The following MYADML2 variants were observed in gnomAD, a reference collection of about 807,000 sequenced individuals.
The protein encoded by MYADML2 is myeloid-associated differentiation marker-like protein 2.
A neutral mutation model predicts 16.0 loss-of-function variants in MYADML2; 17 were observed. The ratio of observed to expected loss-of-function variants is 1.06; its 90% CI spans 0.73 to 1.60. MYADML2 has a LOEUF of 1.60. MYADML2 is among the 40% of genes most tolerant of loss of function. The pLI is 0.00. For missense variants in MYADML2, 422 were observed against 437.7 expected, an observed-to-expected ratio of 0.96 and a Z score of 0.32; for synonymous variants, 210 against 208.1, an observed-to-expected ratio of 1.01 and a Z score of -0.08.
In MYADML2 at chr17:81,942,095, G is replaced by A. The variant is rs543875344; in HGVS notation, c.-103+201C>T. 354 of 213,734 alleles carry A rather than the reference G, an allele frequency of 1.7e-3. 3 individuals are homozygous for A. The highest frequency in any genetic ancestry group is 7.5e-3 in the African/African-American group (328 of 43,768). The allele number at this position is 213,734 out of a possible 1,614,324, so 13.2% of individuals were successfully genotyped here. On this transcript the variant is annotated intron_variant, in intron 2 of 2. Coordinates refer to ENST00000409745, the MANE Select transcript of MYADML2 (RefSeq NM_001145113.3). This position sits in a 1 kb window ranked among gnomAD's most constrained non-coding sequence, Gnocchi z 4.4. ...CCCGCGCACCTGCATCTGTCAATCC[G>A]GTCAGTTGGTTTCACGCTTGTGGGG...
rs1160854396 is a variant in MYADML2, at chr17:81,941,246, G to GC, written c.495dup (p.Leu166AlafsTer20). 1 of 1,550,150 alleles carries GC rather than the reference G, an allele frequency of 6.5e-7. No homozygotes were observed. The highest frequency in any genetic ancestry group is 2.4e-5 in the East Asian group (1 of 40,900). On this transcript the variant is annotated frameshift_variant, in exon 3 of 3. Coordinates refer to ENST00000409745, the MANE Select transcript of MYADML2 (RefSeq NM_001145113.3). LOFTEE classifies it high-confidence loss of function. Reference sequence around the variant, plus strand: ...ACGAAGGCCTGGACGATCTTGAGGAGCCCCGACACCGTGGCCATATAGCTG... The same window carrying GC: ...ACGAAGGCCTGGACGATCTTGAGGAGCCCCCGACACCGTGGCCATATAGCTG...
In MYADML2 at chr17:81,941,513, G is replaced by T; in HGVS notation, c.229C>A (p.His77Asn). The T allele has an allele frequency of 6.5e-7, 1 of 1,548,136 alleles. No individual in the cohort carries two copies. Residue 77 changes from histidine (H) to asparagine (N), a missense_variant, in exon 3 of 3, where the codon CAC becomes AAC. By Grantham distance (68) the His-to-Asn change is moderately conservative. Transcript: ENST00000409745. ...CCCCAGGAGAGCCGCAGGCAGCCGT[G>T]GAGCCGTGTGAACTCACAGGCCACC... ...LVVACEFTRL[H>N]GCLRLSWGNF...
intron 1 of MYADML2, among the ~76,000 whole-genome samples, chr17:81,946,167 C>A (rs918170819): frequency 6.6e-6 from 1 of 151,498 alleles, no homozygotes; most frequent in African/African-American, 2.4e-5. Flanking sequence ...CCAGCCAGGC[C>A]AACATGGTGA....
intron 1 of MYADML2, among the ~76,000 whole-genome samples, chr17:81,945,672 A>C (rs1289752761): frequency 6.6e-6 from 1 of 151,514 alleles, no homozygotes; most frequent in African/African-American, 2.4e-5. Context: ...ACTGCACTCC[A>C]GCCTGGGCAA....
chr17:81,947,045 T>C lies in MYADML2; in HGVS notation c.-181+14A>G, dbSNP rs796812220. On this transcript the variant is annotated intron_variant, in intron 1 of 2. Transcript: ENST00000409745. ...CAATACTATGTAACAACTGTTTACATAGAATTTACATACCAGGTGTTATAA... is the reference window on the plus strand; with the variant it reads ...CAATACTATGTAACAACTGTTTACACAGAATTTACATACCAGGTGTTATAA... 5 of 152,348 alleles carry C rather than the reference T, an allele frequency of 3.3e-5. No individual in the cohort carries two copies. The highest frequency in any genetic ancestry group is 1.2e-4 in the African/African-American group (5 of 41,588). 9.4% of individuals were successfully genotyped at this position (152,348 alleles called of 1,614,324 possible).
rs555237634 is a variant in MYADML2, at chr17:81,942,831, G to C, written c.-180-458C>G. ...CTCCCAAAGTGCTGGGATTATAGGC[G>C]TGAGCCACTAGGTCCGGCCCCTCTT... On this transcript the variant is annotated intron_variant, in intron 1 of 2. Coordinates refer to ENST00000409745, the MANE Select transcript of MYADML2 (RefSeq NM_001145113.3). This position sits in a 1 kb window ranked among gnomAD's most constrained non-coding sequence, Gnocchi z 4.4. Among the ~76,000 whole-genome samples, 13 of 150,798 alleles carry C rather than the reference G, an allele frequency of 8.6e-5. No individual in the cohort carries two copies. The highest frequency in any genetic ancestry group is 1.5e-4 in the Non-Finnish European group (10 of 67,546).
chr17:81,940,893 G>A lies in MYADML2; in HGVS notation c.849C>T (p.Phe283=). ...CGTACAGGAGCAGGTTGACGTAGGT[G>A]AAGATGGCCACCACCAGCTGGCTGT... ...PWDSQLVVAI[F]TYVNLLLYVV... Residue 283 remains phenylalanine (F), a synonymous_variant, in exon 3 of 3, where the codon TTC becomes TTT. Coordinates refer to ENST00000409745, the MANE Select transcript of MYADML2 (RefSeq NM_001145113.3). The A allele has an allele frequency of 3.2e-6, 5 of 1,547,468 alleles. No individual in the cohort carries two copies. In the South Asian group the frequency reaches 6.0e-5, roughly 18 times the overall value.
At chr17:81,943,668 G>T (rs1200687393) in intron 1 of MYADML2, among the ~76,000 whole-genome samples, 2 of 151,844 alleles carry the variant, frequency 1.3e-5, no homozygotes, top group African/African-American at 4.8e-5. Flanking sequence ...CTCCCAAAGT[G>T]CTGGGATTAC....
At chr17:81,945,411 C>T (rs373414554) in intron 1 of MYADML2, among the ~76,000 whole-genome samples, 15 of 152,006 alleles carry the variant, frequency 9.9e-5, no homozygotes, top group African/African-American at 2.2e-4. Context: ...TGGTGATGGG[C>T]GCCTGTAGTC....
intron 1 of MYADML2, among the ~76,000 whole-genome samples, chr17:81,943,822 A>C (rs1370325578): frequency 6.6e-6 from 1 of 152,004 alleles, no homozygotes; most frequent in African/African-American, 2.4e-5. Flanking sequence ...AGAAAAACTT[A>C]AATCCAGCCG....
chr17:81,941,204 C>G lies in MYADML2; in HGVS notation c.538G>C (p.Gly180Arg), dbSNP rs920459706. ...VQAFVACIIF[G>R]ALVHDSRYGR... The stretch of plus-strand genomic sequence containing the variant: ...TAGCGGCTGTCATGGACCAGCGCCC[C>G]GAAGATGATGCAGGCCACGAAGGCC... The change falls in exon 3 of 3, where the codon GGG (glycine) becomes CGG (arginine). Residue 180 changes from glycine to arginine, a missense_variant. Transcript: ENST00000409745. 6.5e-7 allele frequency: 1 copy of G among 1,550,014 alleles called. No individual in the cohort carries two copies. The highest frequency in any genetic ancestry group is 2.0e-5 in the Admixed American group (1 of 50,988).
chr17:81,943,593 C>A (rs1267232377), intron 1 of MYADML2, among the ~76,000 whole-genome samples: 1 of 148,944 alleles, frequency 6.7e-6, no homozygotes, highest in Non-Finnish European at 1.5e-5. Flanking sequence ...TTAGTAGACA[C>A]GGGGTTTCAC....
rs1452291871 is a variant in MYADML2, at chr17:81,941,418, C to T, written c.324G>A (p.Leu108=). ...GGGAACACTCCCGCCGGGCAAAGTA[C>T]AGCGGATACAGGACCGCAGCCGTCG... ...LCATAAVLYP[L]YFARRECSPE... The change falls in exon 3 of 3, where the codon CTG becomes CTA. Residue 108 remains leucine, a synonymous_variant. Coordinates refer to ENST00000409745, the MANE Select transcript of MYADML2 (RefSeq NM_001145113.3). The T allele has an allele frequency of 6.5e-7, 1 of 1,549,310 alleles. No homozygotes were observed. Among genetic ancestry groups the T allele is most frequent in the East Asian group, 2.4e-5 (1 of 40,896 alleles).
Position 81,940,701 on chromosome 17 carries a change from C to T in MYADML2, c.*117G>A. On this transcript the variant is annotated 3_prime_UTR_variant, in exon 3 of 3. Transcript: ENST00000409745. ...ACCTCTCCCGTTGTACTTCATCTCC[C>T]CTGAGCCCGCGGCTTCCCTCCTGCT... The T allele has an allele frequency of 2.6e-6, 3 of 1,157,394 alleles. No individual in the cohort carries two copies. Among genetic ancestry groups the T allele is most frequent in the Non-Finnish European group, 2.4e-6 (2 of 837,414 alleles). 71.7% of individuals were successfully genotyped at this position (1,157,394 alleles called of 1,614,324 possible). A position where few individuals can be genotyped will look rare whatever the true frequency, so the allele number is the denominator to read the frequency against.
At position 81,941,520 on chromosome 17, in the gene MYADML2, T is replaced by C; in HGVS notation, c.222A>G (p.Thr74=). 6.5e-7 allele frequency: 1 copy of C among 1,548,024 alleles called. No individual in the cohort carries two copies. The highest frequency in any genetic ancestry group is 8.7e-7 in the Non-Finnish European group (1 of 1,146,260). ...VSALVVACEF[T]RLHGCLRLSW... ...AGAGCCGCAGGCAGCCGTGGAGCCGTGTGAACTCACAGGCCACCACCAGCG... is the reference window on the plus strand; with the variant it reads ...AGAGCCGCAGGCAGCCGTGGAGCCGCGTGAACTCACAGGCCACCACCAGCG... The change falls in exon 3 of 3, where the codon ACA becomes ACG. Residue 74 remains threonine (T), a synonymous_variant. Transcript: ENST00000409745.
At chr17:81,946,018 C>G (rs2041341565) in intron 1 of MYADML2, among the ~76,000 whole-genome samples, 1 of 152,060 alleles carries the variant, frequency 6.6e-6, no homozygotes, top group Non-Finnish European at 1.5e-5. Flanking sequence ...CATCTGTCCT[C>G]AGGTTCCACA....
Position 81,941,702 on chromosome 17 carries a change from G to T in MYADML2, c.40C>A (p.His14Asn). ...ACAGGGGATGTCACGGCGCCCAGGT[G>T]CAGGTACGCACCCCCAGGGGGCTCC... ...TMEPPGGAYL[H>N]LGAVTSPVGT... The change falls in exon 3 of 3, where the codon CAC (histidine) becomes AAC (asparagine). Residue 14 changes from histidine (H) to asparagine (N), a missense_variant. By Grantham distance (68) the His-to-Asn change is moderately conservative (BLOSUM62 1). Transcript: ENST00000409745. The T allele has an allele frequency of 6.5e-7, 1 of 1,542,648 alleles. No homozygotes were observed. Among genetic ancestry groups the T allele is most frequent in the Non-Finnish European group, 8.8e-7 (1 of 1,142,340 alleles).
At position 81,942,015 on chromosome 17, in the gene MYADML2, G is replaced by T. The variant is rs2041309623; in HGVS notation, c.-102-172C>A. 1.0e-5 allele frequency: 4 copies of T among 401,426 alleles called. No individual in the cohort carries two copies. The East Asian group carries it at 1.5e-4, about 15-fold the overall frequency. The allele number at this position is 401,426 out of a possible 1,614,324, so 24.9% of individuals were successfully genotyped here. On this transcript the variant is annotated intron_variant, in intron 2 of 2. Coordinates refer to ENST00000409745, the MANE Select transcript of MYADML2 (RefSeq NM_001145113.3). The surrounding 1 kb of genome is among the most constrained non-coding windows in gnomAD (Gnocchi z 4.4). ...CATCTGACCCCTGGTCCCCTGTGGA[G>T]CCCCTGCCGGGACCATTAACCCATT...
Position 81,941,324 on chromosome 17 carries a change from G to A in MYADML2, c.418C>T (p.Leu140=), listed in dbSNP as rs1307391386. ...AGGGCCACCTCCACAGCGTAGGCCAGGAAGAGGAGCCCGGCGAAGACACTG... is the reference window on the plus strand; with the variant it reads ...AGGGCCACCTCCACAGCGTAGGCCAAGAAGAGGAGCCCGGCGAAGACACTG... ...AASVFAGLLF[L]AYAVEVALTR... The change falls in exon 3 of 3, where the codon CTG becomes TTG. Residue 140 remains leucine, a synonymous_variant. Coordinates refer to ENST00000409745, the MANE Select transcript of MYADML2 (RefSeq NM_001145113.3). The A allele has an allele frequency of 1.3e-6, 2 of 1,549,566 alleles. No individual in the cohort carries two copies. The highest frequency in any genetic ancestry group is 1.7e-6 in the Non-Finnish European group (2 of 1,146,580).
Sources: gnomAD v4.1 joint callset for allele counts (sites outside exome capture counted in the v4.1 genomes callset) on GRCh38, gnomAD v4.1.1 for gene constraint, Gnocchi (gnomAD v3.1) non-coding constraint, MANE v1.5 for transcripts, NCBI Gene and HGNC (gene_info 2026-07-23, HGNC 2026-07-21) for gene names.